Variants in BACH2 observed in about 807,000 individuals in gnomAD.
BACH2 encodes BACH transcriptional regulator 2, also known as transcription regulator protein BACH2.
BACH2 carries 5 observed loss-of-function variants against 61.8 expected under a neutral mutation model. The observed-to-expected ratio is 0.08, with a 90% CI of 0.04 to 0.17. The LOEUF is 0.17. BACH2 is among the 10% of genes least tolerant of loss of function. BACH2 has a pLI of 1.00. For synonymous variants in BACH2, 446 were observed against 440.1 expected (o/e 1.01, Z -0.17); for missense variants, 824 against 1,091.1 (o/e 0.76, Z 3.45).
intron 1 of BACH2, among the ~76,000 whole-genome samples, chr6:90,295,809 G>A (rs1772341252): frequency 1.3e-5 from 2 of 152,290 alleles, no homozygotes; most frequent in Non-Finnish European, 1.5e-5. Context: ...CGCTAGGAGA[G>A]ATTCGATCCA....
intron 5 of BACH2, among the ~76,000 whole-genome samples, chr6:90,064,647 G>A (rs1241822801): frequency 2.0e-5 from 3 of 152,178 alleles, no homozygotes; most frequent in Admixed American, 2.0e-4. Context: ...CAGCTAATAA[G>A]TGGGTAGTAG....
chr6:90,261,043 G>T (rs1223209290), intron 2 of BACH2, among the ~76,000 whole-genome samples: 1 of 152,168 alleles, frequency 6.6e-6, no homozygotes, highest in Non-Finnish European at 1.5e-5. Context: ...GCTGCAGAGG[G>T]GCAGCAGTTG....
chr6:90,225,303 C>G (rs1456686977), intron 3 of BACH2, among the ~76,000 whole-genome samples: 16 of 152,134 alleles, frequency 1.1e-4, no homozygotes, highest in Admixed American at 1.0e-3. Context: ...ATCACCCAAG[C>G]CCAGGCCCGG....
At chr6:90,133,527 TTTTA>T (rs76741149) in intron 4 of BACH2, among the ~76,000 whole-genome samples, 1,625 of 141,728 alleles carry the variant, frequency 0.011, 24 homozygotes, top group African/African-American at 0.045. Context: ...TTTTATTTTA[TTTTA>T]TTTATTTATT....
At chr6:90,075,519 TG>T (rs1781435497) in intron 5 of BACH2, among the ~76,000 whole-genome samples, 1 of 151,200 alleles carries the variant, frequency 6.6e-6, no homozygotes, top group Non-Finnish European at 1.5e-5. Flanking sequence ...ATTTTATGAT[TG>T]GATGAATAAA....
chr6:90,265,163 A>G (rs1771282396), intron 2 of BACH2, among the ~76,000 whole-genome samples: 1 of 152,234 alleles, frequency 6.6e-6, no homozygotes, highest in South Asian at 2.1e-4. Context: ...AAAGGTTCAC[A>G]CATGGGGCCC....
intron 1 of BACH2, among the ~76,000 whole-genome samples, chr6:90,290,898 C>A (rs2127892952): frequency 6.6e-6 from 1 of 152,248 alleles, no homozygotes; most frequent in South Asian, 2.1e-4. Flanking sequence ...CTCAGGCACA[C>A]ATGAAGAGAA....
Position 90,127,719 on chromosome 6 carries a change from T to C in BACH2, c.-161-38610A>G, listed in dbSNP as rs568299370. Among the ~76,000 whole-genome samples, 8 of 152,324 alleles carry C rather than the reference T, an allele frequency of 5.3e-5. No individual in the cohort carries two copies. In the South Asian group the frequency reaches 1.5e-3, roughly 28 times the overall value. On this transcript the variant is annotated intron_variant, in intron 4 of 8. Transcript: ENST00000257749. ...GTGGGACAGCTAGTATTTGGCCTCA[T>C]GTGGAAGATGTTGTACAGACTCTTT...
intron 4 of BACH2, among the ~76,000 whole-genome samples, chr6:90,100,702 GACACACACACACACAC>G (rs372719418): frequency 3.1e-5 from 2 of 64,250 alleles, no homozygotes; most frequent in Non-Finnish European, 6.7e-5. Flanking sequence ...CACACACACA[GACACACACACACACAC>G]ACACACACAG....
At chr6:89,992,934 A>G (rs1776657800) in intron 6 of BACH2, among the ~76,000 whole-genome samples, 1 of 152,324 alleles carries the variant, frequency 6.6e-6, no homozygotes, top group East Asian at 1.9e-4. Flanking sequence ...TACAAAGGTA[A>G]TTAAGGTTAA....
intron 6 of BACH2, among the ~76,000 whole-genome samples, chr6:89,954,212 C>T (rs1203539522): frequency 6.6e-6 from 1 of 152,098 alleles, no homozygotes; most frequent in African/African-American, 2.4e-5. Flanking sequence ...GGATAAGACA[C>T]TTCTTGAGTT....
chr6:89,997,214 G>A (rs1340020834), intron 6 of BACH2, among the ~76,000 whole-genome samples: 1 of 152,146 alleles, frequency 6.6e-6, no homozygotes, highest in African/African-American at 2.4e-5. Context: ...CCTTAAATAG[G>A]AGGAATGGAA....
intron 1 of BACH2, among the ~76,000 whole-genome samples, chr6:90,274,655 G>C (rs1771635788): frequency 2.0e-5 from 3 of 152,160 alleles, no homozygotes; most frequent in African/African-American, 7.2e-5. Flanking sequence ...CAGCCACAAA[G>C]TACGCACATA....
intron 2 of BACH2, among the ~76,000 whole-genome samples, chr6:90,264,398 A>G (rs1771260696): frequency 6.6e-6 from 1 of 152,236 alleles, no homozygotes; most frequent in South Asian, 2.1e-4. Context: ...GAGACAAAAT[A>G]ACAAATATTA....
chr6:90,243,579 T>TA (rs1770529188), intron 3 of BACH2, among the ~76,000 whole-genome samples: 1 of 152,208 alleles, frequency 6.6e-6, no homozygotes, highest in Non-Finnish European at 1.5e-5. Context: ...CATTATGGTC[T>TA]TTACATAACG....
intron 4 of BACH2, among the ~76,000 whole-genome samples, chr6:90,150,202 T>C (rs533306387): frequency 6.6e-6 from 1 of 152,234 alleles, no homozygotes; most frequent in East Asian, 1.9e-4. Flanking sequence ...CGTGCCAGTG[T>C]TTATAATCAC....
intron 1 of BACH2, among the ~76,000 whole-genome samples, chr6:90,296,174 T>G (rs1772371492): frequency 6.6e-6 from 1 of 152,002 alleles, no homozygotes; most frequent in South Asian, 2.1e-4. Context: ...CCCTCTGCTG[T>G]TCCAAAACAC....
chr6:90,153,873 T>C (rs983636747), intron 4 of BACH2, among the ~76,000 whole-genome samples: 1 of 152,244 alleles, frequency 6.6e-6, no homozygotes, highest in Non-Finnish European at 1.5e-5. Context: ...AAAATCATGG[T>C]GCAGACTATG....
At chr6:90,061,019 T>C (rs28635013) in intron 5 of BACH2, among the ~76,000 whole-genome samples, 1 of 152,190 alleles carries the variant, frequency 6.6e-6, no homozygotes, top group Non-Finnish European at 1.5e-5. Context: ...GAGATATCCT[T>C]TGGAGTACAA....
Sources: gnomAD v4.1 joint callset for allele counts (sites outside exome capture counted in the v4.1 genomes callset) on GRCh38, gnomAD v4.1.1 for gene constraint, MANE v1.5 for transcripts, NCBI Gene and HGNC (gene_info 2026-07-23, HGNC 2026-07-21) for gene names.